Variants in ADGRF3 observed in about 807,000 individuals in gnomAD.
ADGRF3 encodes the protein adhesion G protein-coupled receptor F3, also known as G protein-coupled receptor 113.
ADGRF3 carries 85 observed loss-of-function variants against 93.2 expected under a neutral mutation model. That is an observed-to-expected ratio of 0.91 (90% CI 0.77 to 1.09). The LOEUF (loss-of-function observed/expected upper bound fraction) is 1.09, where lower values mean the gene tolerates loss of function less well. Among genes scored for constraint, ADGRF3 ranks in the 50% least tolerant of loss-of-function variants. The pLI, the probability that ADGRF3 is intolerant of heterozygous loss-of-function variation, is 0.00. For missense variants in ADGRF3, 1,125 were observed against 1,246.2 expected (o/e 0.90, Z 1.46); for synonymous variants, 534 against 532.5 (o/e 1.00, Z -0.04).
At position 26,316,356 on chromosome 2, in the gene ADGRF3, G is replaced by T; in HGVS notation, c.418C>A (p.Gln140Lys). The T allele has an allele frequency of 7.7e-6, 12 of 1,551,930 alleles. No individual in the cohort carries two copies. Among genetic ancestry groups the T allele is most frequent in the Non-Finnish European group, 9.6e-6 (11 of 1,147,028 alleles). Residue 140 changes from glutamine (Q) to lysine (K), a missense_variant, in exon 4 of 14, where the codon CAA (glutamine) becomes AAA (lysine). Transcript: ENST00000651242. ...TSICLHYPPC[Q>K]SLHNHQPCGC... ...CAAGGCTGGTGGTTGTGGAGGCTTT[G>T]ACAAGGAGGGTAATGGAGGCAGATG...
chr2:26,312,918 C>T, intron 9 of ADGRF3, 25 bp downstream of exon 9: 2 of 1,584,216 alleles, frequency 1.3e-6, no homozygotes, highest in Non-Finnish European at 1.7e-6. Context: ...CCCAGCTGGC[C>T]CCCACTGTGG....
rs1676739040 is a variant in ADGRF3 at position 26,346,167 on chromosome 2, T to TG, written c.67dup (p.His23ProfsTer54). Reference sequence around the variant, plus strand: ...TGCCATCCTTGCCCAGCCGGTGTGGTGCTTGTGTGTCACAGCCTTGTAGCC... The same window carrying TG: ...TGCCATCCTTGCCCAGCCGGTGTGGTGGCTTGTGTGTCACAGCCTTGTAGCC... On this transcript the variant is annotated frameshift_variant, in exon 1 of 14. Coordinates refer to ENST00000651242, the MANE Select transcript of ADGRF3 (RefSeq NM_001321971.2). LOFTEE classifies it high-confidence loss of function. The TG allele has an allele frequency of 1.2e-6, 2 of 1,611,524 alleles. No individual in the cohort carries two copies. Among genetic ancestry groups the TG allele is most frequent in the East Asian group, 4.5e-5 (2 of 44,812 alleles).
Position 26,313,431 on chromosome 2 carries a change from C to A in ADGRF3, c.1215G>T (p.Pro405=), listed in dbSNP as rs11886746. ...RLCGADGVWG[P]VHSSCTDARL... is the part of the protein sequence containing the mutation. ...TCGCATCTGTGCAGCTGCTGTGGAC[C>A]GGCCCCCAGACTCCGTCAGCCCCAC... Residue 405 remains proline, a synonymous_variant, in exon 8 of 14, where the codon CCG becomes CCT. Transcript: ENST00000651242. 1.2e-5 allele frequency: 20 copies of A among 1,607,118 alleles called. No individual in the cohort carries two copies. Among genetic ancestry groups the A allele is most frequent in the African/African-American group, 1.1e-4 (8 of 74,668 alleles).
At chr2:26,339,476 AC>A in intron 1 of ADGRF3, among the ~76,000 whole-genome samples, 1 of 152,346 alleles carries the variant, frequency 6.6e-6, no homozygotes, top group South Asian at 2.1e-4. Context: ...AGCCTGGGTG[AC>A]AGAGTGAGAA....
rs1279810598 is a variant in ADGRF3 at position 26,308,451 on chromosome 2, T to A, written c.*635A>T. On this transcript the variant is annotated 3_prime_UTR_variant, in exon 14 of 14. Transcript: ENST00000651242. ...ATTGATATAAATTTATATTAAACTT[T>A]AAATTTTTATAACCTATTCTTACAA... 1.3e-5 allele frequency: 2 copies of A among 152,158 alleles called. No individual in the cohort carries two copies. Among genetic ancestry groups the A allele is most frequent in the Non-Finnish European group, 2.9e-5 (2 of 68,030 alleles). The allele number at this position is 152,158 out of a possible 1,614,324, so 9.4% of individuals were successfully genotyped here. A position where few individuals can be genotyped will look rare whatever the true frequency, so the allele number is the denominator to read the frequency against.
In ADGRF3 at chr2:26,310,920, G is replaced by A. The variant is rs1674033747; in HGVS notation, c.2604C>T (p.Ile868=). The change falls in exon 10 of 14, where the codon ATC becomes ATT. Residue 868 remains isoleucine (I), a synonymous_variant. Transcript: ENST00000651242. The part of the protein sequence containing the change: ...LYTFVGPVLA[I]IGVNGLVLAM... Reference sequence around the variant, plus strand: ...CTAGTACCAGCCCATTCACGCCTATGATGGCCAGCACTGGCCCCACGAAGG... The same window carrying A: ...CTAGTACCAGCCCATTCACGCCTATAATGGCCAGCACTGGCCCCACGAAGG... 1.2e-6 allele frequency: 2 copies of A among 1,613,144 alleles called. No homozygotes were observed. Among genetic ancestry groups the A allele is most frequent in the Non-Finnish European group, 1.7e-6 (2 of 1,179,474 alleles).
chr2:26,338,910 G>A (rs566632112), intron 1 of ADGRF3, among the ~76,000 whole-genome samples: 5 of 151,858 alleles, frequency 3.3e-5, no homozygotes, highest in African/African-American at 4.8e-5. Context: ...GGCTGGGGTG[G>A]GCGGATCACA....
chr2:26,342,231 C>T (rs1473272399), intron 1 of ADGRF3, among the ~76,000 whole-genome samples: 1 of 152,030 alleles, frequency 6.6e-6, no homozygotes, highest in Non-Finnish European at 1.5e-5. Flanking sequence ...TTCTATTGTT[C>T]CACTCTATAC....
rs764184867 is a variant in ADGRF3 at position 26,346,015 on chromosome 2, C to T, written c.114+106G>A. On this transcript the variant is annotated intron_variant, in intron 1 of 13. Transcript: ENST00000651242. The stretch of plus-strand genomic sequence containing the variant: ...GCCGCTCGAGCGGGCTAGCAACCCC[C>T]CCTCGATGGGCGGGGAGAAGCGTGG... 31 of 1,211,044 alleles carry T rather than the reference C, an allele frequency of 2.6e-5. 1 individual carries two copies. Among genetic ancestry groups the T allele is most frequent in the Admixed American group, 4.8e-5 (2 of 41,880 alleles). The allele number at this position is 1,211,044 out of a possible 1,614,324, so 75.0% of individuals were successfully genotyped here. A position where few individuals can be genotyped will look rare whatever the true frequency, so the allele number is the denominator to read the frequency against.
intron 1 of ADGRF3, among the ~76,000 whole-genome samples, chr2:26,334,978 CT>C (rs1675957064): frequency 6.6e-6 from 1 of 152,062 alleles, no homozygotes; most frequent in Non-Finnish European, 1.5e-5. Context: ...TTATTTTGTG[CT>C]TTGCTTTTTT....
Position 26,309,570 on chromosome 2 carries a change from T to C in ADGRF3, c.2949A>G (p.Glu983=), listed in dbSNP as rs777387436. 19 of 1,612,716 alleles carry C rather than the reference T, an allele frequency of 1.2e-5. No individual in the cohort carries two copies. Among genetic ancestry groups the C allele is most frequent in the Non-Finnish European group, 1.6e-5 (19 of 1,179,534 alleles). The change falls in exon 13 of 14, where the codon GAA becomes GAG. Residue 983 remains glutamate (E), a synonymous_variant. Transcript: ENST00000651242. ...CTTTGCTGTGTTCCAAGATGCAGCCTTCATTTGTGGCCTAGGAAGGGGTGG... is the reference window on the plus strand; with the variant it reads ...CTTTGCTGTGTTCCAAGATGCAGCCCTCATTTGTGGCCTAGGAAGGGGTGG... ...PSSTISLATN[E]GCILEHSKGG...
intron 1 of ADGRF3, 26 bp downstream of exon 1, chr2:26,346,095 C>T (rs1299952688): frequency 6.4e-7 from 1 of 1,553,872 alleles, no homozygotes; most frequent in South Asian, 1.2e-5. Context: ...TACGCGTGCG[C>T]GGTGGGCGGA....
At chr2:26,309,476 G>T in intron 13 of ADGRF3, 50 bp downstream of exon 13, 11 of 1,592,238 alleles carry the variant, frequency 6.9e-6, no homozygotes, top group Non-Finnish European at 8.5e-6. Flanking sequence ...TTGCCACACC[G>T]TCCTCAATCC....
chr2:26,327,489 G>T (rs563825786), intron 1 of ADGRF3, among the ~76,000 whole-genome samples: 2 of 152,190 alleles, frequency 1.3e-5, no homozygotes, highest in Admixed American at 1.3e-4. Context: ...AACCAAGGAT[G>T]CTGTATCAGT....
At chr2:26,318,672 T>C (rs773777991) in intron 1 of ADGRF3, among the ~76,000 whole-genome samples, 1 of 152,196 alleles carries the variant, frequency 6.6e-6, no homozygotes, top group Non-Finnish European at 1.5e-5. Context: ...TTTCTTTTTC[T>C]TTTTAAATGG....
Position 26,308,394 on chromosome 2 carries a change from A to T in ADGRF3, c.*692T>A, listed in dbSNP as rs190703234. 1 of 152,120 alleles carries T rather than the reference A, an allele frequency of 6.6e-6. No individual in the cohort carries two copies. The highest frequency in any genetic ancestry group is 1.5e-5 in the Non-Finnish European group (1 of 68,026). The allele number at this position is 152,120 out of a possible 1,614,324, so 9.4% of individuals were successfully genotyped here. On this transcript the variant is annotated 3_prime_UTR_variant, in exon 14 of 14. Coordinates refer to ENST00000651242, the MANE Select transcript of ADGRF3 (RefSeq NM_001321971.2). The stretch of plus-strand genomic sequence containing the variant: ...GTCTTCAAAAAGATTTTCTTCTAGT[A>T]TTCATTTTTAAATATAAATTAAACT...
At chr2:26,319,040 A>G in intron 1 of ADGRF3, 1 of 1,551,130 alleles carries the variant, frequency 6.4e-7, no homozygotes, top group Non-Finnish European at 8.7e-7. Context: ...GGGGCAGCCG[A>G]ACAGACCATG....
rs1459179526 is a variant in ADGRF3 at position 26,311,336 on chromosome 2, C to A, written c.2188G>T (p.Val730Phe). The change falls in exon 10 of 14, where the codon GTC becomes TTC. Residue 730 changes from valine to phenylalanine, a missense_variant. Physicochemically the swap from Val to Phe is conservative, Grantham distance 50 (BLOSUM62 -1). Coordinates refer to ENST00000651242, the MANE Select transcript of ADGRF3 (RefSeq NM_001321971.2). ...CLGVYWLVWR[V>F]VVRNKISYFR... is the part of the protein sequence containing the mutation. ...TAGGAGATCTTGTTCCGCACCACGA[C>A]TCTCCACACCAGCCAGTACACACCC... is the stretch of plus-strand genomic sequence containing the variant. The A allele has an allele frequency of 6.2e-7, 1 of 1,613,842 alleles. No individual in the cohort carries two copies. The highest frequency in any genetic ancestry group is 8.5e-7 in the Non-Finnish European group (1 of 1,179,904).
chr2:26,315,513 G>A lies in ADGRF3; in HGVS notation c.718+9C>T. ...GAGAAAGGAGGCAAGGAGAGGACAGGCTGGCTACCTGCCCAGTGATGGGAC... is the reference window on the plus strand; with the variant it reads ...GAGAAAGGAGGCAAGGAGAGGACAGACTGGCTACCTGCCCAGTGATGGGAC... On this transcript the variant is annotated intron_variant, in intron 5 of 13. Coordinates refer to ENST00000651242, the MANE Select transcript of ADGRF3 (RefSeq NM_001321971.2). 1.3e-6 allele frequency: 2 copies of A among 1,548,554 alleles called. No individual in the cohort carries two copies. The highest frequency in any genetic ancestry group is 1.2e-5 in the South Asian group (1 of 83,980).
Sources: gnomAD v4.1 joint callset for allele counts (sites outside exome capture counted in the v4.1 genomes callset) on GRCh38, gnomAD v4.1.1 for gene constraint, MANE v1.5 for transcripts, NCBI Gene and HGNC (gene_info 2026-07-23, HGNC 2026-07-21) for gene names.